Variants in ELL observed in about 807,000 individuals in gnomAD.
ELL encodes the protein RNA polymerase II elongation factor ELL.
In ELL, 18 loss-of-function variants were observed where a neutral mutation model predicts 64.0. The ratio of observed to expected loss-of-function variants is 0.28; its 90% CI spans 0.19 to 0.42. ELL has a LOEUF of 0.42. Ranked by LOEUF, ELL falls within the 10% of genes least tolerant of loss-of-function variation. ELL has a pLI of 1.00. For synonymous variants in ELL, 399 were observed against 376.2 expected, an observed-to-expected ratio of 1.06 and a Z score of -0.70; for missense variants, 797 against 870.4, an observed-to-expected ratio of 0.92 and a Z score of 1.06.
chr19:18,452,077 C>T (rs984869765), intron 6 of ELL, among the ~76,000 whole-genome samples: 2 of 152,166 alleles, frequency 1.3e-5, no homozygotes, highest in Non-Finnish European at 2.9e-5. Flanking sequence ...ATCTGGAGGG[C>T]GGCAGAGTGG....
rs1056097761 is a variant in ELL at position 18,442,982 on chromosome 19, A to G, written c.*1770T>C. 4.3e-6 allele frequency: 1 copy of G among 232,190 alleles called. No homozygotes were observed. The highest frequency in any genetic ancestry group is 8.5e-6 in the Non-Finnish European group (1 of 117,192). The allele number at this position is 232,190 out of a possible 1,614,324, so 14.4% of individuals were successfully genotyped here. A position where few individuals can be genotyped will look rare whatever the true frequency, so the allele number is the denominator to read the frequency against. On this transcript the variant is annotated 3_prime_UTR_variant, in exon 12 of 12. Transcript: ENST00000262809. ...CTTAGCTTCATAATTCCTTAAAAGG[A>G]GAACAAATAAACAACAAAAACAACA...
At chr19:18,476,521 A>T (rs1600466067) in intron 1 of ELL, among the ~76,000 whole-genome samples, 1 of 141,154 alleles carries the variant, frequency 7.1e-6, no homozygotes, top group Middle Eastern at 3.6e-3. Context: ...CCATCCAGTG[A>T]GGCATTTAAC....
rs755150855 is a variant in ELL at position 18,450,972 on chromosome 19, G to A, written c.970C>T (p.Arg324Trp). The A allele has an allele frequency of 4.0e-5, 61 of 1,520,900 alleles. No homozygotes were observed. The highest frequency in any genetic ancestry group is 4.9e-5 in the Non-Finnish European group (56 of 1,134,460). 94.2% of individuals were successfully genotyped at this position (1,520,900 alleles called of 1,614,324 possible). A position where few individuals can be genotyped will look rare whatever the true frequency, so the allele number is the denominator to read the frequency against. ...RGRSASPPQK[R>W]LQPPDFIDPL... Reference sequence around the variant, plus strand: ...TCGATGAAATCAGGAGGCTGCAGCCGCTTCTGGAGAGGAGCAGAGATCATT... The same window carrying A: ...TCGATGAAATCAGGAGGCTGCAGCCACTTCTGGAGAGGAGCAGAGATCATT... Residue 324 changes from arginine (R) to tryptophan (W), a missense_variant, in exon 8 of 12, where the codon CGG becomes TGG. Physicochemically the swap from Arg to Trp is moderately radical, Grantham distance 101 (BLOSUM62 -3). Coordinates refer to ENST00000262809, the MANE Select transcript of ELL (RefSeq NM_006532.4).
At position 18,450,857 on chromosome 19, in the gene ELL, C is replaced by T. The variant is rs759462733; in HGVS notation, c.1085G>A (p.Arg362His). ...VNGKLGVPNG[R>H]EALLPTPGPP... ...GCCCGGGGTGGGCAGCAAGGCCTCA[C>T]GGCCATTGGGCACGCCCAGCTTCCC... Residue 362 changes from arginine (R) to histidine (H), a missense_variant, in exon 8 of 12, where the codon CGT becomes CAT. Arg to His is a conservative substitution (Grantham distance 29). Coordinates refer to ENST00000262809, the MANE Select transcript of ELL (RefSeq NM_006532.4). 5.7e-6 allele frequency: 9 copies of T among 1,590,206 alleles called. No individual in the cohort carries two copies. The highest frequency in any genetic ancestry group is 2.3e-5 in the East Asian group (1 of 44,384).
At chr19:18,493,645 G>C (rs371083497) in intron 1 of ELL, among the ~76,000 whole-genome samples, 2 of 152,228 alleles carry the variant, frequency 1.3e-5, no homozygotes, top group Non-Finnish European at 2.9e-5. Flanking sequence ...CGCCTGGAAG[G>C]GAGGCGTGTG....
intron 1 of ELL, among the ~76,000 whole-genome samples, chr19:18,483,142 C>T (rs1975340097): frequency 6.6e-6 from 1 of 152,082 alleles, no homozygotes; most frequent in African/African-American, 2.4e-5. Flanking sequence ...TACCAACTCC[C>T]CTCTCCCCTC....
rs1021622816 is a variant in ELL, at chr19:18,487,564, G to A, written c.136-14682C>T. Reference sequence around the variant, plus strand: ...TAGAGACAGAACCTGATGTGGCCACGGCCAGGCTGCACTAGCCCCTCAGGG... The same window carrying A: ...TAGAGACAGAACCTGATGTGGCCACAGCCAGGCTGCACTAGCCCCTCAGGG... On this transcript the variant is annotated intron_variant, in intron 1 of 11. Transcript: ENST00000262809. Among the ~76,000 whole-genome samples, 5 of 152,196 alleles carry A rather than the reference G, an allele frequency of 3.3e-5. No individual in the cohort carries two copies. The South Asian group carries it at 8.3e-4, about 25-fold the overall frequency.
intron 1 of ELL, among the ~76,000 whole-genome samples, chr19:18,510,871 C>T (rs534666536): frequency 6.6e-6 from 1 of 152,272 alleles, no homozygotes; most frequent in Admixed American, 6.5e-5. Flanking sequence ...CCTCTAATCC[C>T]AGCACTTTGG....
At chr19:18,445,331 G>C in intron 10 of ELL, 63 bp from the exon 11 acceptor site, 1 of 1,500,182 alleles carries the variant, frequency 6.7e-7, no homozygotes, top group Non-Finnish European at 9.2e-7. Flanking sequence ...AACCCAAATT[G>C]AGTGGTCCCA....
chr19:18,490,217 C>T (rs1322714296), intron 1 of ELL, among the ~76,000 whole-genome samples: 3 of 151,082 alleles, frequency 2.0e-5, no homozygotes, highest in Admixed American at 1.3e-4. Context: ...CCCCCACCCA[C>T]GCCTATTATC....
chr19:18,484,696 C>A (rs1309286964), intron 1 of ELL, among the ~76,000 whole-genome samples: 3 of 152,160 alleles, frequency 2.0e-5, no homozygotes, highest in African/African-American at 2.4e-5. Context: ...TGAGGCTTCA[C>A]AACCAATGCT....
At chr19:18,510,767 G>A (rs11086111) in intron 1 of ELL, among the ~76,000 whole-genome samples, 67 of 152,338 alleles carry the variant, frequency 4.4e-4, no homozygotes, top group African/African-American at 1.6e-3. Context: ...TGGTGGGAAT[G>A]TAAAATGCTG....
intron 5 of ELL, 106 bp from the exon 6 acceptor site, chr19:18,458,435 GAGAC>G (rs1344151866): frequency 1.3e-6 from 2 of 1,490,440 alleles, no homozygotes; most frequent in Non-Finnish European, 1.8e-6. Context: ...GAGACAGTGG[GAGAC>G]AGACAGAGAC....
At chr19:18,462,975 C>T (rs376617345) in intron 4 of ELL, among the ~76,000 whole-genome samples, 9 of 152,160 alleles carry the variant, frequency 5.9e-5, no homozygotes, top group Non-Finnish European at 1.5e-5. Flanking sequence ...AACGCAGAGA[C>T]GTGGGCAGGG....
At chr19:18,463,731 C>G (rs12980726) in intron 4 of ELL, among the ~76,000 whole-genome samples, 44,425 of 151,758 alleles carry the variant, frequency 0.29, 7,817 homozygotes, top group African/African-American at 0.5. Context: ...GTAATCCCAG[C>G]ACTTTGGGAT....
At chr19:18,483,946 C>T (rs1229473542) in intron 1 of ELL, among the ~76,000 whole-genome samples, 2 of 152,220 alleles carry the variant, frequency 1.3e-5, no homozygotes, top group South Asian at 2.1e-4. Context: ...GGCACAAGCC[C>T]TCCTGCCAAC....
rs993546136 is a variant in ELL at position 18,518,423 on chromosome 19, G to A, written c.135+3498C>T. ...GACTGAAGCAGGAGGGTGGTAGTTC[G>A]AGGCTGCAGTGAGCTATGATCATGC... On this transcript the variant is annotated intron_variant, in intron 1 of 11. Coordinates refer to ENST00000262809, the MANE Select transcript of ELL (RefSeq NM_006532.4). Among the ~76,000 whole-genome samples the A allele has an allele frequency of 4.0e-5, 6 of 150,982 alleles. No individual in the cohort carries two copies. In the South Asian group the frequency reaches 1.0e-3, roughly 26 times the overall value.
chr19:18,504,100 T>C (rs1975836367), intron 1 of ELL, among the ~76,000 whole-genome samples: 1 of 152,242 alleles, frequency 6.6e-6, no homozygotes, highest in Non-Finnish European at 1.5e-5. Flanking sequence ...TCACGGCGGA[T>C]GCAGGGGTCA....
At chr19:18,454,597 T>TG (rs1974614060) in intron 6 of ELL, among the ~76,000 whole-genome samples, 1 of 151,976 alleles carries the variant, frequency 6.6e-6, no homozygotes, top group Non-Finnish European at 1.5e-5. Flanking sequence ...TCCCAGTACT[T>TG]TGGGAGGCTG....
Sources: gnomAD v4.1 joint callset for allele counts (sites outside exome capture counted in the v4.1 genomes callset) on GRCh38, gnomAD v4.1.1 for gene constraint, MANE v1.5 for transcripts, NCBI Gene and HGNC (gene_info 2026-07-23, HGNC 2026-07-21) for gene names.